Variants in KSR2 observed in about 807,000 individuals in gnomAD.
The protein encoded by KSR2 is kinase suppressor of ras 2.
In KSR2, 25 loss-of-function variants were observed where a neutral mutation model predicts 107.8. The observed-to-expected ratio is 0.23, with a 90% confidence interval of 0.17 to 0.32. The LOEUF (loss-of-function observed/expected upper bound fraction) is 0.32. Among genes scored for constraint, KSR2 ranks in the 10% least tolerant of loss-of-function variants. The probability of loss-of-function intolerance (pLI) is 1.00; values close to 1 mark genes in which losing one functional copy is unlikely to be tolerated. For synonymous variants in KSR2, 480 were observed against 507.0 expected (o/e 0.95, Z 0.71); for missense variants, 887 against 1,268.9 (o/e 0.70, Z 4.57).
chr12:117,823,583 T>A (rs1366421172), intron 3 of KSR2, among the ~76,000 whole-genome samples: 1 of 152,130 alleles, frequency 6.6e-6, no homozygotes, highest in East Asian at 1.9e-4. Flanking sequence ...AGCAGTTCAG[T>A]TTTAGGCATG....
chr12:117,548,013 C>T (rs1373301248), intron 9 of KSR2, among the ~76,000 whole-genome samples: 1 of 152,026 alleles, frequency 6.6e-6, no homozygotes, highest in African/African-American at 2.4e-5. Context: ...AGGAGAATCG[C>T]TTGAACCCGG....
At chr12:117,933,708 A>G (rs761253494) in intron 1 of KSR2, among the ~76,000 whole-genome samples, 2 of 152,204 alleles carry the variant, frequency 1.3e-5, no homozygotes, top group African/African-American at 2.4e-5. Flanking sequence ...GTTTATGGTT[A>G]TGGCACACTA....
At chr12:117,829,218 C>T (rs949796424) in intron 3 of KSR2, among the ~76,000 whole-genome samples, 4 of 152,168 alleles carry the variant, frequency 2.6e-5, no homozygotes, top group Admixed American at 6.6e-5. Flanking sequence ...TTCCAACTCA[C>T]GCTTTATCAC....
At chr12:117,686,357 T>G (rs1403796048) in intron 4 of KSR2, among the ~76,000 whole-genome samples, 1 of 151,032 alleles carries the variant, frequency 6.6e-6, no homozygotes, top group African/African-American at 2.4e-5. Flanking sequence ...TGAGCCACCA[T>G]GCCTGGCCTC....
At chr12:117,729,335 C>A (rs370521341) in intron 4 of KSR2, among the ~76,000 whole-genome samples, 1 of 151,998 alleles carries the variant, frequency 6.6e-6, no homozygotes, top group East Asian at 1.9e-4. Context: ...ATTCTGCTTG[C>A]CATAGGGGTG....
At chr12:117,565,200 G>A (rs974605754) in intron 7 of KSR2, among the ~76,000 whole-genome samples, 7 of 152,204 alleles carry the variant, frequency 4.6e-5, no homozygotes, top group East Asian at 1.9e-4. Flanking sequence ...AGACTGTCAC[G>A]TCAATTTCTC....
intron 4 of KSR2, among the ~76,000 whole-genome samples, chr12:117,680,644 A>C (rs967679441): frequency 6.6e-6 from 1 of 152,172 alleles, no homozygotes; most frequent in Admixed American, 6.5e-5. Flanking sequence ...CAGCTGAAAT[A>C]TGCATTATGG....
At chr12:117,593,547 A>T (rs1880448149) in intron 5 of KSR2, among the ~76,000 whole-genome samples, 1 of 152,264 alleles carries the variant, frequency 6.6e-6, no homozygotes, top group Non-Finnish European at 1.5e-5. Context: ...CCGAGTTGGA[A>T]TGTGCAAAAT....
intron 5 of KSR2, among the ~76,000 whole-genome samples, chr12:117,615,214 TAC>T (rs57116320): frequency 0.027 from 3,955 of 147,754 alleles, 80 homozygotes; most frequent in East Asian, 0.082. Context: ...TCTCTTCAGT[TAC>T]ACACACACAC....
chr12:117,776,947 C>T (rs1889705063), intron 3 of KSR2, among the ~76,000 whole-genome samples: 1 of 151,810 alleles, frequency 6.6e-6, no homozygotes, highest in South Asian at 2.1e-4. Flanking sequence ...ACTGAATTGG[C>T]AAATGCTGAA....
intron 7 of KSR2, among the ~76,000 whole-genome samples, chr12:117,570,641 A>G (rs1878824060): frequency 6.6e-6 from 1 of 152,212 alleles, no homozygotes; most frequent in South Asian, 2.1e-4. Context: ...GCATTCATAT[A>G]AAGTCGGGTT....
At chr12:117,874,229 A>AT (rs982186418) in intron 1 of KSR2, among the ~76,000 whole-genome samples, 63 of 150,320 alleles carry the variant, frequency 4.2e-4, no homozygotes, top group African/African-American at 1.3e-3. Context: ...TGAGTGTTAG[A>AT]TTTTTTTTTT....
chr12:117,934,812 CT>C (rs1895792040), intron 1 of KSR2, among the ~76,000 whole-genome samples: 1 of 151,858 alleles, frequency 6.6e-6, no homozygotes, highest in Admixed American at 6.6e-5. Context: ...TCGTCTTCTT[CT>C]TCTATTTATA....
intron 5 of KSR2, among the ~76,000 whole-genome samples, chr12:117,619,138 C>G (rs535266296): frequency 6.6e-6 from 1 of 152,064 alleles, no homozygotes; most frequent in Non-Finnish European, 1.5e-5. Flanking sequence ...GGGCAGGCTA[C>G]CAACCTGGTG....
At chr12:117,534,569 C>T (rs191362621) in intron 10 of KSR2, among the ~76,000 whole-genome samples, 16 of 151,872 alleles carry the variant, frequency 1.1e-4, no homozygotes, top group Admixed American at 2.6e-4. Flanking sequence ...CTTTTTTTCT[C>T]ACTAAGCTAT....
intron 5 of KSR2, among the ~76,000 whole-genome samples, chr12:117,628,276 C>T (rs189901394): frequency 2.1e-4 from 32 of 152,270 alleles, no homozygotes; most frequent in African/African-American, 5.3e-4. Context: ...GGAGAAGAGG[C>T]GCTCTGATTT....
At chr12:117,815,990 A>AGTGTGTGTGT (rs35013081) in intron 3 of KSR2, among the ~76,000 whole-genome samples, 5 of 113,586 alleles carry the variant, frequency 4.4e-5, no homozygotes, top group Non-Finnish European at 9.0e-5. Flanking sequence ...AAAAAAATAA[A>AGTGTGTGTGT]GTGTGTGTGT....
intron 5 of KSR2, among the ~76,000 whole-genome samples, chr12:117,653,039 A>C (rs1424807610): frequency 1.3e-5 from 2 of 152,204 alleles, no homozygotes; most frequent in Admixed American, 6.5e-5. Flanking sequence ...AGTAAATCAA[A>C]AACAATATTG....
In KSR2 at chr12:117,884,979, G is replaced by C. The variant is rs537980795; in HGVS notation, c.181-24548C>G. On this transcript the variant is annotated intron_variant, in intron 1 of 19. Transcript: ENST00000339824. ...TTTCTGTCTTCCCCACCGACACGCA[G>C]CAGGTAACACCAGAGGATGCTCCTG... is the stretch of plus-strand genomic sequence containing the variant. 2.6e-5 allele frequency among the ~76,000 whole-genome samples: 4 copies of C among 152,304 alleles called. No homozygotes were observed. The East Asian group carries it at 7.7e-4, about 29-fold the overall frequency.
Sources: gnomAD v4.1 joint callset for allele counts (sites outside exome capture counted in the v4.1 genomes callset) on GRCh38, gnomAD v4.1.1 for gene constraint, MANE v1.5 for transcripts, NCBI Gene and HGNC (gene_info 2026-07-23, HGNC 2026-07-21) for gene names.